NINL: variants seen among roughly 807,000 people sequenced by gnomAD.
NINL encodes ninein like.
In NINL, 153 loss-of-function variants were observed where a neutral mutation model predicts 160.3. The observed-to-expected ratio is 0.95, with a 90% confidence interval of 0.84 to 1.09. The LOEUF is 1.09. NINL is among the 50% of genes least tolerant of loss of function. NINL has a pLI of 0.00. For synonymous variants in NINL, 800 were observed against 734.8 expected (o/e 1.09, Z -1.43); for missense variants, 1,829 against 1,764.0 (o/e 1.04, Z -0.66).
chr20:25,461,105 G>A (rs573726257), intron 21 of NINL, among the ~76,000 whole-genome samples: 38 of 152,306 alleles, frequency 2.5e-4, no homozygotes, highest in Non-Finnish European at 4.9e-4. Flanking sequence ...TCTCACCTGC[G>A]GGGCCAGCAG....
Position 25,453,577 on chromosome 20 carries a change from C to T in NINL, c.4023G>A (p.Val1341=). Reference sequence around the variant, plus strand: ...TCTCCTCGGTGGCCTGAAGTGCTCTCACCAGGTGGGCGTTCTCCACGTACA... The same window carrying T: ...TCTCCTCGGTGGCCTGAAGTGCTCTTACCAGGTGGGCGTTCTCCACGTACA... The part of the protein sequence containing the change: ...KELYVENAHL[V]RALQATEEKQ... Residue 1341 remains valine, a synonymous_variant, in exon 24 of 24, where the codon GTG becomes GTA. Coordinates refer to ENST00000278886, the MANE Select transcript of NINL (RefSeq NM_025176.6). The T allele has an allele frequency of 6.2e-7, 1 of 1,614,132 alleles. No individual in the cohort carries two copies.
Position 25,489,297 on chromosome 20 carries a change from C to G in NINL, c.1624G>C (p.Ala542Pro), listed in dbSNP as rs2063570737. 7.4e-6 allele frequency: 12 copies of G among 1,613,946 alleles called. No homozygotes were observed. In the African/African-American group the frequency reaches 1.1e-4, roughly 14 times the overall value. ...ACTGCTGCGAACCGCTCCTCCTGGG[C>G]CAGGAGCTCTGCACTCTGTGGCTCC... is the stretch of plus-strand genomic sequence containing the variant. Reference protein sequence around the residue: ...KLEPQSAELLAQEERFAAVLK... With the variant: ...KLEPQSAELLPQEERFAAVLK... Residue 542 changes from alanine to proline, a missense_variant, in exon 13 of 24, where the codon GCC becomes CCC. Transcript: ENST00000278886.
rs1386513802 is a variant in NINL at position 25,476,314 on chromosome 20, G to T, written c.2977C>A (p.Gln993Lys). Residue 993 changes from glutamine to lysine, a missense_variant, in exon 17 of 24, where the codon CAG becomes AAG. By Grantham distance (53) the Gln-to-Lys change is moderately conservative. Transcript: ENST00000278886. ...GCCCGGGCCTGCTGCTCCGAGGCCT[G>T]CTCCTGGGTGCCCCTGCTCCAGCTT... ...ARSWSRGTQE[Q>K]ASEQQARAEG... 9 of 1,612,928 alleles carry T rather than the reference G, an allele frequency of 5.6e-6. No homozygotes were observed. Among genetic ancestry groups the T allele is most frequent in the Non-Finnish European group, 5.9e-6 (7 of 1,179,964 alleles).
rs369710202 is a variant in NINL at position 25,496,702 on chromosome 20, C to A, written c.1271G>T (p.Cys424Phe). ...NLEFVKEMDD[C>F]HSTLEQLTEK... ...CGTGAGCTGCTCCAGGGTGGAGTGG[C>A]AGTCGTCCATCTCTTTCACAAACTC... The change falls in exon 10 of 24, where the codon TGC becomes TTC. Residue 424 changes from cysteine (C) to phenylalanine (F), a missense_variant. By Grantham distance (205) the Cys-to-Phe change is radical. Coordinates refer to ENST00000278886, the MANE Select transcript of NINL (RefSeq NM_025176.6). The A allele has an allele frequency of 4.6e-5, 74 of 1,613,986 alleles. No individual in the cohort carries two copies. Among genetic ancestry groups the A allele is most frequent in the Non-Finnish European group, 6.1e-5 (72 of 1,180,042 alleles).
chr20:25,557,718 T>G (rs2064885021), intron 1 of NINL, among the ~76,000 whole-genome samples: 1 of 152,156 alleles, frequency 6.6e-6, no homozygotes, highest in East Asian at 1.9e-4. Flanking sequence ...CATATTTGGA[T>G]ATTTAAACTC....
At position 25,476,254 on chromosome 20, in the gene NINL, T is replaced by C. The variant is rs2063232177; in HGVS notation, c.3037A>G (p.Ser1013Gly). ...GACCCTCTCCTGGCAACCTCCACAC[T>C]GTGCTTGTGACACCCAGGCTCCAGG... is the stretch of plus-strand genomic sequence containing the variant. Reference protein sequence around the residue: ...GALEPGCHKHSVEVARRGSLP... With the variant: ...GALEPGCHKHGVEVARRGSLP... Residue 1013 changes from serine to glycine, a missense_variant, in exon 17 of 24, where the codon AGT becomes GGT. Physicochemically the swap from Ser to Gly is moderately conservative, Grantham distance 56. Transcript: ENST00000278886. 1.2e-6 allele frequency: 2 copies of C among 1,613,906 alleles called. No individual in the cohort carries two copies. The highest frequency in any genetic ancestry group is 1.7e-6 in the Non-Finnish European group (2 of 1,179,968).
At chr20:25,520,882 T>A (rs1447885660) in intron 2 of NINL, among the ~76,000 whole-genome samples, 1 of 152,224 alleles carries the variant, frequency 6.6e-6, no homozygotes, top group Non-Finnish European at 1.5e-5. Flanking sequence ...TACAAAGAGA[T>A]CCTGTGTACC....
chr20:25,516,109 C>T (rs1283836817), intron 3 of NINL, among the ~76,000 whole-genome samples: 3 of 152,224 alleles, frequency 2.0e-5, no homozygotes, highest in South Asian at 2.1e-4. Context: ...TAGCACCTCC[C>T]GCTTCACTCT....
Position 25,458,452 on chromosome 20 carries a change from ACGGT to A in NINL, c.3770_3773del (p.Asp1257ValfsTer31). 6.2e-7 allele frequency: 1 copy of A among 1,605,318 alleles called. No homozygotes were observed. Among genetic ancestry groups the A allele is most frequent in the South Asian group, 1.1e-5 (1 of 90,988 alleles). On this transcript the variant is annotated frameshift_variant, in exon 22 of 24. Transcript: ENST00000278886. LOFTEE classifies it high-confidence loss of function. ...TGAGCAGGCGATGCAGCTCGGCCACACGGTCCTGGGGCACCAGCCGGACCTCCTG... is the reference window on the plus strand; with the variant it reads ...TGAGCAGGCGATGCAGCTCGGCCACACCTGGGGCACCAGCCGGACCTCCTG...
chr20:25,522,992 G>C (rs554722400), intron 2 of NINL, among the ~76,000 whole-genome samples: 2 of 152,276 alleles, frequency 1.3e-5, no homozygotes, highest in African/African-American at 4.8e-5. Flanking sequence ...ACCCTTGGCA[G>C]ATACCAAACT....
intron 8 of NINL, chr20:25,498,991 G>A (rs554829015): frequency 3.1e-5 from 31 of 985,462 alleles, no homozygotes; most frequent in East Asian, 1.1e-4. Flanking sequence ...ACGTTCTGTC[G>A]TGTTTGCTTT....
chr20:25,531,829 C>T (rs1165995710), intron 1 of NINL, among the ~76,000 whole-genome samples: 4 of 152,168 alleles, frequency 2.6e-5, no homozygotes, highest in African/African-American at 9.7e-5. Context: ...AAAGGGATCT[C>T]TTCATCTCCC....
chr20:25,482,047 C>T lies in NINL; in HGVS notation c.1731G>A (p.Ala577=), dbSNP rs898218929. ...GGCTGTGCCGGTTCTTGGGCAGCCG[C>T]GCCCACAGGCCTTCCAGCTCAGCTT... is the stretch of plus-strand genomic sequence containing the variant. ...ELQAELEGLW[A]RLPKNRHSPS... Residue 577 remains alanine (A), a synonymous_variant, in exon 14 of 24, where the codon GCG becomes GCA. Transcript: ENST00000278886. The T allele has an allele frequency of 1.8e-5, 28 of 1,598,480 alleles. No homozygotes were observed. The highest frequency in any genetic ancestry group is 6.6e-5 in the South Asian group (6 of 91,040).
intron 1 of NINL, among the ~76,000 whole-genome samples, chr20:25,559,487 C>T (rs898371029): frequency 6.6e-6 from 1 of 152,188 alleles, no homozygotes; most frequent in Non-Finnish European, 1.5e-5. Flanking sequence ...AATCTGCCTG[C>T]CCCAGCCTCC....
chr20:25,469,780 C>T (rs1241736634), intron 18 of NINL, among the ~76,000 whole-genome samples: 1 of 152,186 alleles, frequency 6.6e-6, no homozygotes, highest in South Asian at 2.1e-4. Context: ...GGAGCTGGGG[C>T]GTTCAGGTGC....
At chr20:25,477,148 T>C (rs1420739952) in intron 16 of NINL, 59 bp from the exon 17 acceptor site, 1 of 1,460,200 alleles carries the variant, frequency 6.8e-7, no homozygotes, top group Non-Finnish European at 9.1e-7. Context: ...CTCTCTCGGG[T>C]TTGAAGTCTG....
At chr20:25,465,407 G>A (rs2294583) in intron 19 of NINL, among the ~76,000 whole-genome samples, 23,712 of 152,100 alleles carry the variant, frequency 0.16, 2,142 homozygotes, top group East Asian at 0.35. Context: ...CCTCCCCCGC[G>A]GCTCCAGGGA....
intron 15 of NINL, among the ~76,000 whole-genome samples, chr20:25,479,806 C>T (rs567970175): frequency 2.0e-5 from 3 of 152,322 alleles, no homozygotes; most frequent in Non-Finnish European, 4.4e-5. Context: ...ACCCAGGGGG[C>T]AAATGCCAGG....
intron 17 of NINL, among the ~76,000 whole-genome samples, chr20:25,473,715 CACAT>C (rs1269435799): frequency 6.3e-4 from 83 of 131,738 alleles, no homozygotes; most frequent in African/African-American, 2.3e-3. Flanking sequence ...CACACACACA[CACAT>C]CAGCTGGGCA....
Sources: allele counts gnomAD v4.1 joint callset (sites outside exome capture counted in the v4.1 genomes callset), GRCh38; gene constraint gnomAD v4.1.1; transcripts MANE v1.5; gene names NCBI Gene and HGNC (gene_info 2026-07-23, HGNC 2026-07-21).